Variants in OVCH2 observed in about 807,000 individuals in gnomAD.
OVCH2 encodes the protein ovochymase-2.
In OVCH2, 88 loss-of-function variants were observed where a neutral mutation model predicts 73.7. That is an observed-to-expected ratio of 1.19 (90% CI 1.01 to 1.43). OVCH2 has a LOEUF of 1.43. Among genes scored for constraint, OVCH2 ranks in the 40% most tolerant of loss-of-function variants. OVCH2 has a pLI of 0.00. For synonymous variants in OVCH2, 265 were observed against 234.5 expected (o/e 1.13, Z -1.19); for missense variants, 706 against 674.5 (o/e 1.05, Z -0.52).
At chr11:7,683,839 C>G in the OVCH2 span, among the ~76,000 whole-genome samples, 1 of 152,100 alleles carries the variant, frequency 6.6e-6, no homozygotes, top group Non-Finnish European at 1.5e-5. Context: ...ATCTGCATAG[C>G]CTTTGCCTTC....
chr11:7,692,038 G>T (rs1287240868), intron 12 of OVCH2, 43 bp from the exon 13 acceptor site: 6 of 1,369,040 alleles, frequency 4.4e-6, no homozygotes, highest in Non-Finnish European at 6.1e-6. Context: ...CAATCTGAAT[G>T]AATTACCTGA....
intron 2 of OVCH2, 107 bp from the exon 3 acceptor site, chr11:7,703,896 A>C: frequency 1.1e-6 from 1 of 874,414 alleles, no homozygotes; most frequent in Non-Finnish European, 1.8e-6. Flanking sequence ...ACACTCGTAA[A>C]TGTCAAGAAT....
In OVCH2 at chr11:7,702,293, C is replaced by G. The variant is rs1231159352; in HGVS notation, c.327G>C (p.Glu109Asp). 6.2e-7 allele frequency: 1 copy of G among 1,609,444 alleles called. No individual in the cohort carries two copies. Among genetic ancestry groups the G allele is most frequent in the Non-Finnish European group, 8.5e-7 (1 of 1,178,392 alleles). ...IVSTLNVTAG[E>D]YDLSQTDPGE... Reference sequence around the variant, plus strand: ...CTGGGTCTGTCTGGCTTAAGTCATACTCTCCAGCAGTAACATTCAAAGTAG... The same window carrying G: ...CTGGGTCTGTCTGGCTTAAGTCATAGTCTCCAGCAGTAACATTCAAAGTAG... Residue 109 changes from glutamate to aspartate, a missense_variant, in exon 4 of 16, where the codon GAG (glutamate) becomes GAC (aspartate). Glu to Asp is a conservative substitution (Grantham distance 45). Transcript: ENST00000533663.
At chr11:7,703,829 C>A in intron 2 of OVCH2, 40 bp from the exon 3 acceptor site, 1 of 1,498,900 alleles carries the variant, frequency 6.7e-7, no homozygotes, top group South Asian at 1.2e-5. Flanking sequence ...AGTTCATGCC[C>A]TGGGATCCCC....
At chr11:7,682,902 A>G in the OVCH2 span, among the ~76,000 whole-genome samples, 1 of 152,178 alleles carries the variant, frequency 6.6e-6, no homozygotes, top group Non-Finnish European at 1.5e-5. Flanking sequence ...CATTCTGTCT[A>G]AAGTCTACTC....
At chr11:7,691,840 T>C in intron 13 of OVCH2, 62 bp downstream of exon 13, 1 of 1,288,532 alleles carries the variant, frequency 7.8e-7, no homozygotes, top group Non-Finnish European at 1.1e-6. Context: ...TCCTTTTCGT[T>C]CCCATCTCAA....
rs1856458054 is a variant in OVCH2, at chr11:7,702,272, GTC to G, written c.346_347del (p.Asp116ProfsTer9). The G allele has an allele frequency of 6.2e-7, 1 of 1,612,316 alleles. No individual in the cohort carries two copies. Among genetic ancestry groups the G allele is most frequent in the Admixed American group, 1.7e-5 (1 of 59,734 alleles). On this transcript the variant is annotated frameshift_variant, in exon 4 of 16. Coordinates refer to ENST00000533663, the MANE Select transcript of OVCH2 (RefSeq NM_198185.7). LOFTEE classifies it high-confidence loss of function. Reference sequence around the variant, plus strand: ...CAATAGTGAGAGTTTGCTCTCCTGGGTCTGTCTGGCTTAAGTCATACTCTCCA... The same window carrying G: ...CAATAGTGAGAGTTTGCTCTCCTGGGTGTCTGGCTTAAGTCATACTCTCCA... ...TAGEYDLSQT[D>X]PGEQTLTIET...
At chr11:7,683,820 A>T in the OVCH2 span, among the ~76,000 whole-genome samples, 1 of 151,924 alleles carries the variant, frequency 6.6e-6, no homozygotes, top group Non-Finnish European at 1.5e-5. Context: ...GAATTCTCTA[A>T]CCCTTATTAT....
At chr11:7,681,348 C>T in the OVCH2 span, among the ~76,000 whole-genome samples, 1 of 152,256 alleles carries the variant, frequency 6.6e-6, no homozygotes, top group East Asian at 1.9e-4. Context: ...ATTTTGCTTT[C>T]TGGAATATCT....
chr11:7,690,814 C>T (rs1856206293), intron 14 of OVCH2, among the ~76,000 whole-genome samples: 1 of 151,888 alleles, frequency 6.6e-6, no homozygotes, highest in Admixed American at 6.6e-5. Flanking sequence ...GTGACCTCAA[C>T]CTTTAAAATG....
the OVCH2 span, among the ~76,000 whole-genome samples, chr11:7,682,545 G>A: frequency 3.3e-5 from 5 of 152,324 alleles, no homozygotes; most frequent in Middle Eastern, 6.8e-3. Flanking sequence ...AATTGAGAAA[G>A]TATAGAGATG....
At chr11:7,689,821 G>C (rs966311984) in intron 15 of OVCH2, 103 bp downstream of exon 15, 1 of 746,766 alleles carries the variant, frequency 1.3e-6, no homozygotes, top group Non-Finnish European at 2.3e-6. Flanking sequence ...TAGGACTCTA[G>C]TATATTTTGG....
chr11:7,692,545 G>A (rs1423551501), intron 12 of OVCH2, among the ~76,000 whole-genome samples: 1 of 152,146 alleles, frequency 6.6e-6, no homozygotes, highest in African/African-American at 2.4e-5. Flanking sequence ...ATTCTGAGAA[G>A]GCACAGATGT....
rs761776885 is a variant in OVCH2, at chr11:7,701,708, G to A, written c.559+8C>T. 6.2e-7 allele frequency: 1 copy of A among 1,608,654 alleles called. No homozygotes were observed. The highest frequency in any genetic ancestry group is 8.5e-7 in the Non-Finnish European group (1 of 1,177,302). On this transcript the variant is annotated splice_region_variant and intron_variant, in intron 5 of 15. Transcript: ENST00000533663. ...TCTGCTTAAGAGGAATGGCACACAA[G>A]TTCTTACCTTCAGTTAAGCGGCCCC...
rs1294450028 is a variant in OVCH2 at position 7,695,596 on chromosome 11, T to C, written c.1256A>G (p.Lys419Arg). ...AGGAATGTAGTTTGGTTTAAGAGCTTTATAGGTAAGATTAAACCCAGCTGC... is the reference window on the plus strand; with the variant it reads ...AGGAATGTAGTTTGGTTTAAGAGCTCTATAGGTAAGATTAAACCCAGCTGC... ...DNAAGFNLTY[K>R]ALKPNYIPDS... The change falls in exon 11 of 16, where the codon AAA (lysine) becomes AGA (arginine). Residue 419 changes from lysine to arginine, a missense_variant. By Grantham distance (26) the Lys-to-Arg change is conservative. Coordinates refer to ENST00000533663, the MANE Select transcript of OVCH2 (RefSeq NM_198185.7). 3.7e-6 allele frequency: 6 copies of C among 1,613,664 alleles called. No homozygotes were observed. Among genetic ancestry groups the C allele is most frequent in the Non-Finnish European group, 4.2e-6 (5 of 1,179,672 alleles).
chr11:7,683,999 T>TATA, the OVCH2 span, among the ~76,000 whole-genome samples: 22 of 149,386 alleles, frequency 1.5e-4, no homozygotes, highest in African/African-American at 5.1e-4. Context: ...ATCTGGCATT[T>TATA]TATATATATA....
intron 14 of OVCH2, 52 bp downstream of exon 14, chr11:7,691,217 A>C (rs1247619168): frequency 1.3e-6 from 2 of 1,550,976 alleles, no homozygotes; most frequent in Non-Finnish European, 8.7e-7. Flanking sequence ...TCTAATTCAC[A>C]TCACAAGGAT....
intron 8 of OVCH2, among the ~76,000 whole-genome samples, chr11:7,697,146 C>T (rs1188989645): frequency 6.6e-6 from 1 of 152,186 alleles, no homozygotes; most frequent in Non-Finnish European, 1.5e-5. Context: ...AGGCAATCCT[C>T]CTGCTTCAGC....
Position 7,696,786 on chromosome 11 carries a change from C to T in OVCH2, c.939G>A (p.Glu313=). Residue 313 remains glutamate, a synonymous_variant, in exon 9 of 16, where the codon GAG becomes GAA. Coordinates refer to ENST00000533663, the MANE Select transcript of OVCH2 (RefSeq NM_198185.7). ...RRKSSRAWCS[E]QDVIVSGAEG... ...CAGCCCCGCTGACTATGACATCCTGCTCACTGCACCAGGCTGGGAGGGAAA... is the reference window on the plus strand; with the variant it reads ...CAGCCCCGCTGACTATGACATCCTGTTCACTGCACCAGGCTGGGAGGGAAA... The T allele has an allele frequency of 1.9e-6, 3 of 1,609,202 alleles. No homozygotes were observed. Among genetic ancestry groups the T allele is most frequent in the Non-Finnish European group, 2.5e-6 (3 of 1,177,790 alleles).
Sources: gnomAD v4.1 joint callset for allele counts (sites outside exome capture counted in the v4.1 genomes callset) on GRCh38, gnomAD v4.1.1 for gene constraint, MANE v1.5 for transcripts, NCBI Gene and HGNC (gene_info 2026-07-23, HGNC 2026-07-21) for gene names.